Variants in RINL observed in about 807,000 individuals in gnomAD.
The protein encoded by RINL is Ras and Rab interactor like, also known as ras and Rab interactor-like protein.
Under a neutral mutation model 58.1 loss-of-function variants are expected in RINL, and 39 were observed. The ratio of observed to expected loss-of-function variants is 0.67; its 90% CI spans 0.52 to 0.88. The LOEUF (loss-of-function observed/expected upper bound fraction) is 0.88, where lower values mean the gene tolerates loss of function less well. Ranked by LOEUF, RINL falls within the 40% of genes least tolerant of loss-of-function variation. RINL has a pLI of 0.00. For missense variants in RINL, 711 were observed against 749.2 expected, an observed-to-expected ratio of 0.95 and a Z score of 0.60; for synonymous variants, 286 against 323.1, an observed-to-expected ratio of 0.89 and a Z score of 1.23.
rs540276671 is a variant in RINL, at chr19:38,876,753, C to A, written c.-11G>T. 6.5e-7 allele frequency: 1 copy of A among 1,535,954 alleles called. No individual in the cohort carries two copies. The highest frequency in any genetic ancestry group is 8.7e-7 in the Non-Finnish European group (1 of 1,146,756). Reference sequence around the variant, plus strand: ...TTCTGGCTGGGCCATCGTCAGGTTGCAGGAAGCCAGTGAGTCATGACCTGG... The same window carrying A: ...TTCTGGCTGGGCCATCGTCAGGTTGAAGGAAGCCAGTGAGTCATGACCTGG... On this transcript the variant is annotated 5_prime_UTR_variant, in exon 2 of 12. Transcript: ENST00000591812.
intron 2 of RINL, 45 bp from the exon 3 acceptor site, chr19:38,876,535 G>A: frequency 2.0e-6 from 3 of 1,524,008 alleles, no homozygotes; most frequent in African/African-American, 1.4e-5. Context: ...GAGGTGGGCA[G>A]TGGGACAATG....
At chr19:38,873,736 G>C in intron 4 of RINL, 150 bp downstream of exon 4, 1 of 552,692 alleles carries the variant, frequency 1.8e-6, no homozygotes, top group Non-Finnish European at 3.3e-6. Context: ...ATGTTGGCCA[G>C]GCTGGTCTCA....
chr19:38,868,623 A>G lies in RINL; in HGVS notation c.*481T>C, dbSNP rs994001141. The G allele has an allele frequency of 1.3e-5, 2 of 153,366 alleles. No homozygotes were observed. The highest frequency in any genetic ancestry group is 2.9e-5 in the Non-Finnish European group (2 of 68,890). The allele number at this position is 153,366 out of a possible 1,614,324, so 9.5% of individuals were successfully genotyped here. A position where few individuals can be genotyped will look rare whatever the true frequency, so the allele number is the denominator to read the frequency against. ...ACTCCAGCCTGGGCAACAGACAGAG[A>G]CGTTCTTTCAAAACAAAACAAAACC... On this transcript the variant is annotated 3_prime_UTR_variant, in exon 12 of 12. Coordinates refer to ENST00000591812, the MANE Select transcript of RINL (RefSeq NM_001195833.2).
Position 38,869,270 on chromosome 19 carries a change from T to G in RINL, c.1615A>C (p.Arg539=), listed in dbSNP as rs756880578. The G allele has an allele frequency of 6.2e-7, 1 of 1,614,114 alleles. No individual in the cohort carries two copies. The highest frequency in any genetic ancestry group is 8.5e-7 in the Non-Finnish European group (1 of 1,180,002). ...HQWHRRRTLH[R]KDHPRAQANL... ...ACCTGGGCTCTGGGATGATCCTTTC[T>G]GTGCAGCGTCCGCCTGCGGTGCCAC... The change falls in exon 11 of 12, where the codon AGA becomes CGA. Residue 539 remains arginine (R), a synonymous_variant. Coordinates refer to ENST00000591812, the MANE Select transcript of RINL (RefSeq NM_001195833.2). This position sits in a 1 kb window ranked among gnomAD's most constrained non-coding sequence, Gnocchi z 5.7.
chr19:38,874,092 A>C, intron 3 of RINL, 104 bp from the exon 4 acceptor site: 1 of 688,516 alleles, frequency 1.5e-6, no homozygotes, highest in Non-Finnish European at 2.5e-6. Context: ...CCACACCCCA[A>C]ATTTCCTTTA....
At chr19:38,876,662 G>A in intron 2 of RINL, 31 bp downstream of exon 2, 1 of 1,522,594 alleles carries the variant, frequency 6.6e-7, no homozygotes, top group Non-Finnish European at 8.8e-7. Flanking sequence ...GCAGGGGAAG[G>A]AGGGCATAGC....
intron 3 of RINL, among the ~76,000 whole-genome samples, chr19:38,874,404 C>T (rs1335574595): frequency 1.3e-5 from 2 of 152,150 alleles, no homozygotes; most frequent in Non-Finnish European, 2.9e-5. Flanking sequence ...TCCCAAGTAG[C>T]TGGGATTACG....
rs1279110639 is a variant in RINL at position 38,868,978 on chromosome 19, T to A, written c.*126A>T. ...CCGGCTAATTTTTGTTTTTTTTTTTTTTTGGTAGATGGGGGTCCCACTGTT... is the reference window on the plus strand; with the variant it reads ...CCGGCTAATTTTTGTTTTTTTTTTTATTTGGTAGATGGGGGTCCCACTGTT... On this transcript the variant is annotated 3_prime_UTR_variant, in exon 12 of 12. Transcript: ENST00000591812. The A allele has an allele frequency of 6.1e-6, 5 of 824,646 alleles. No individual in the cohort carries two copies. The highest frequency in any genetic ancestry group is 9.1e-6 in the Non-Finnish European group (5 of 549,984). 51.1% of individuals were successfully genotyped at this position (824,646 alleles called of 1,614,324 possible). A position where few individuals can be genotyped will look rare whatever the true frequency, so the allele number is the denominator to read the frequency against.
chr19:38,876,344 A>T lies in RINL; in HGVS notation c.197T>A (p.Leu66Gln), dbSNP rs759612168. 18 of 1,535,928 alleles carry T rather than the reference A, an allele frequency of 1.2e-5. No homozygotes were observed. The highest frequency in any genetic ancestry group is 1.5e-5 in the Non-Finnish European group (17 of 1,146,850). The change falls in exon 3 of 12, where the codon CTG (leucine) becomes CAG (glutamine). Residue 66 changes from leucine to glutamine, a missense_variant. By Grantham distance (113) the Leu-to-Gln change is moderately radical. Transcript: ENST00000591812. ...GTGAGTACTCACCCCTAGTGGCCAC[A>T]GCCCCACAAGGGCCTCCGCATCCTG... ...DTQDAEALVG[L>Q]WPLGSFLVTG...
intron 7 of RINL, 32 bp downstream of exon 7, chr19:38,871,046 C>T (rs1318112765): frequency 1.9e-6 from 3 of 1,578,662 alleles, no homozygotes; most frequent in Middle Eastern, 1.7e-4. Flanking sequence ...AGCTCCCTCC[C>T]CTTCAGAGGC....
At position 38,870,078 on chromosome 19, in the gene RINL, C is replaced by A. The variant is rs376584524; in HGVS notation, c.1207G>T (p.Ala403Ser). The A allele has an allele frequency of 7.9e-6, 12 of 1,515,734 alleles. No homozygotes were observed. In the African/African-American group the frequency reaches 1.7e-4, roughly 22 times the overall value. 93.9% of individuals were successfully genotyped at this position (1,515,734 alleles called of 1,614,324 possible). A position where few individuals can be genotyped will look rare whatever the true frequency, so the allele number is the denominator to read the frequency against. Residue 403 changes from alanine (A) to serine (S), a missense_variant, in exon 9 of 12, where the codon GCC becomes TCC. Coordinates refer to ENST00000591812, the MANE Select transcript of RINL (RefSeq NM_001195833.2). This position sits in a 1 kb window ranked among gnomAD's most constrained non-coding sequence, Gnocchi z 5.8. ...TGGATGCGGCTCCGCAAGGCGGGGG[C>A]GGGGCTCTGCCCTTCCGGTCCCGGC... ...QGPGPEGQSPAPALRSRIHER... is the reference protein window; with the variant it reads ...QGPGPEGQSPSPALRSRIHER...
At chr19:38,877,802 CCCTT>C (rs550510337) in intron 1 of RINL, among the ~76,000 whole-genome samples, 109 of 151,982 alleles carry the variant, frequency 7.2e-4, no homozygotes, top group African/African-American at 2.2e-3. Context: ...CTCCCTCCCT[CCCTT>C]CCTTCCTTCC....
Position 38,870,037 on chromosome 19 carries a change from G to T in RINL, c.1248C>A (p.His416Gln). ...LRSRIHERLA[H>Q]LHAACAPRRK... Reference sequence around the variant, plus strand: ...GGCGCGGGGCGCAGGCAGCGTGGAGGTGCGCAAGGCGCTCGTGGATGCGGC... The same window carrying T: ...GGCGCGGGGCGCAGGCAGCGTGGAGTTGCGCAAGGCGCTCGTGGATGCGGC... The change falls in exon 9 of 12, where the codon CAC (histidine) becomes CAA (glutamine). Residue 416 changes from histidine to glutamine, a missense_variant. Physicochemically the swap from His to Gln is conservative, Grantham distance 24. Coordinates refer to ENST00000591812, the MANE Select transcript of RINL (RefSeq NM_001195833.2). The surrounding 1 kb of genome is among the most constrained non-coding windows in gnomAD (Gnocchi z 5.8). The T allele has an allele frequency of 6.4e-7, 1 of 1,558,710 alleles. No homozygotes were observed. Among genetic ancestry groups the T allele is most frequent in the Non-Finnish European group, 8.7e-7 (1 of 1,155,980 alleles).
In RINL at chr19:38,868,836, C is replaced by T; in HGVS notation, c.*268G>A. The stretch of plus-strand genomic sequence containing the variant: ...AATACCCACTCTGCTCCTCCCTTCC[C>T]CTCCCCTCCTTCAGGCCTTTCTGCA... On this transcript the variant is annotated 3_prime_UTR_variant, in exon 12 of 12. Transcript: ENST00000591812. 5.1e-6 allele frequency: 2 copies of T among 393,004 alleles called. No homozygotes were observed. Among genetic ancestry groups the T allele is most frequent in the Non-Finnish European group, 9.3e-6 (2 of 215,792 alleles). 24.3% of individuals were successfully genotyped at this position (393,004 alleles called of 1,614,324 possible).
intron 4 of RINL, 64 bp downstream of exon 4, chr19:38,873,822 G>A (rs1269380075): frequency 1.9e-6 from 2 of 1,061,354 alleles, no homozygotes; most frequent in African/African-American, 1.6e-5. Context: ...CACCGCGCCG[G>A]TCCAGCTGAT....
chr19:38,874,083 C>T, intron 3 of RINL, 95 bp from the exon 4 acceptor site: 2 of 740,158 alleles, frequency 2.7e-6, no homozygotes, highest in South Asian at 1.6e-5. Context: ...TTTTGGGTTC[C>T]ACACCCCAAA....
At position 38,870,370 on chromosome 19, in the gene RINL, C is replaced by T. The variant is rs1017015202; in HGVS notation, c.1025-110G>A. 14 of 1,050,252 alleles carry T rather than the reference C, an allele frequency of 1.3e-5. No homozygotes were observed. Among genetic ancestry groups the T allele is most frequent in the Non-Finnish European group, 1.7e-5 (13 of 763,186 alleles). The allele number at this position is 1,050,252 out of a possible 1,614,324, so 65.1% of individuals were successfully genotyped here. ...ACAGCCACCCCTGCCTAGCTCTGGT[C>T]CCCCGTGAGTGTAGACATGGTTGTG... On this transcript the variant is annotated intron_variant, in intron 8 of 11. Coordinates refer to ENST00000591812, the MANE Select transcript of RINL (RefSeq NM_001195833.2). This position sits in a 1 kb window ranked among gnomAD's most constrained non-coding sequence, Gnocchi z 5.8.
At position 38,873,921 on chromosome 19, in the gene RINL, TCTC is replaced by T. The variant is rs1972865174; in HGVS notation, c.275_277del (p.Gly92del). On this transcript the variant is annotated inframe_deletion, in exon 4 of 12. Coordinates refer to ENST00000591812, the MANE Select transcript of RINL (RefSeq NM_001195833.2). ...CTTCTGGATCTGGTAGGTATTGACT[TCTC>T]CTGGTAAAGGTCCTGACCTCAACAC... The T allele has an allele frequency of 1.3e-6, 2 of 1,535,632 alleles. No individual in the cohort carries two copies. The highest frequency in any genetic ancestry group is 2.0e-5 in the Admixed American group (1 of 50,958).
chr19:38,870,507 C>T lies in RINL; in HGVS notation c.1024+63G>A, dbSNP rs1453595788. On this transcript the variant is annotated intron_variant, in intron 8 of 11. Coordinates refer to ENST00000591812, the MANE Select transcript of RINL (RefSeq NM_001195833.2). The surrounding 1 kb of genome is among the most constrained non-coding windows in gnomAD (Gnocchi z 5.8). The stretch of plus-strand genomic sequence containing the variant: ...GGTGCAGAAGGAAACGTGTGCGCAC[C>T]GATGGAGAGGACGAAGTTGCACACT... 7 of 1,482,764 alleles carry T rather than the reference C, an allele frequency of 4.7e-6. No homozygotes were observed. The highest frequency in any genetic ancestry group is 2.5e-5 in the Admixed American group (1 of 40,138). The allele number at this position is 1,482,764 out of a possible 1,614,324, so 91.9% of individuals were successfully genotyped here.
Sources: gnomAD v4.1 joint callset for allele counts (sites outside exome capture counted in the v4.1 genomes callset) on GRCh38, gnomAD v4.1.1 for gene constraint, Gnocchi (gnomAD v3.1) non-coding constraint, MANE v1.5 for transcripts, NCBI Gene and HGNC (gene_info 2026-07-23, HGNC 2026-07-21) for gene names.